PCDH15: variants seen among roughly 807,000 people sequenced by gnomAD.
PCDH15 encodes protocadherin-15.
Under a neutral mutation model 178.5 loss-of-function variants are expected in PCDH15, and 129 were observed. The observed-to-expected ratio is 0.72, with a 90% CI of 0.63 to 0.84. The LOEUF is 0.84. PCDH15 is among the 40% of genes least tolerant of loss of function. The pLI is 0.00. For missense variants in PCDH15, 2,230 were observed against 2,099.9 expected (o/e 1.06, Z -1.21); for synonymous variants, 800 against 732.0 (o/e 1.09, Z -1.50).
chr10:55,545,537 A>G (rs1038923972), intron 2 of PCDH15, among the ~76,000 whole-genome samples: 3 of 151,590 alleles, frequency 2.0e-5, no homozygotes, highest in African/African-American at 7.3e-5. Context: ...CAGCCTCCCT[A>G]GTAGCTGGGA....
At chr10:54,539,080 A>G (rs1589978670) in intron 2 of PCDH15, among the ~76,000 whole-genome samples, 1 of 152,102 alleles carries the variant, frequency 6.6e-6, no homozygotes, top group South Asian at 2.1e-4. Context: ...CCATTTGTTT[A>G]TGTTATCTAT....
chr10:55,561,477 T>C (rs892229316), intron 2 of PCDH15, among the ~76,000 whole-genome samples: 4 of 151,944 alleles, frequency 2.6e-5, no homozygotes, highest in African/African-American at 7.2e-5. Flanking sequence ...AAATTGTTTA[T>C]GAATGATAAT....
intron 25 of PCDH15, among the ~76,000 whole-genome samples, chr10:53,917,559 G>T (rs1368878565): frequency 1.3e-5 from 2 of 152,198 alleles, no homozygotes; most frequent in Non-Finnish European, 2.9e-5. Flanking sequence ...TGTAGTTATT[G>T]TCACATGGGC....
In PCDH15 at chr10:54,940,573, AG is replaced by A. The variant is rs1269629295; in HGVS notation, c.-79-43074del. 3.9e-5 allele frequency among the ~76,000 whole-genome samples: 6 copies of A among 152,208 alleles called. No homozygotes were observed. The East Asian group carries it at 7.7e-4, about 20-fold the overall frequency. On this transcript the variant is annotated intron_variant, in intron 2 of 5. Coordinates refer to the PCDH15 transcript ENST00000458638. ...TCTGGTTGGTTTATGCTGTTGTTCA[AG>A]TCTTCTATGTCTTTATTGATCTTTC... is the stretch of plus-strand genomic sequence containing the variant.
intron 2 of PCDH15, among the ~76,000 whole-genome samples, chr10:55,409,897 G>A (rs183568482): frequency 4.3e-4 from 65 of 152,168 alleles, no homozygotes; most frequent in African/African-American, 1.6e-3. Flanking sequence ...GTGCTTACAG[G>A]CCAATCATGA....
intron 18 of PCDH15, among the ~76,000 whole-genome samples, chr10:54,047,612 C>G (rs2093682118): frequency 6.6e-6 from 1 of 151,932 alleles, no homozygotes; most frequent in Non-Finnish European, 1.5e-5. Flanking sequence ...TTGTTCCCAA[C>G]TTTATGTCCA....
At chr10:55,278,216 CT>C (rs1564961078) in intron 1 of PCDH15, among the ~76,000 whole-genome samples, 1 of 151,592 alleles carries the variant, frequency 6.6e-6, no homozygotes, top group East Asian at 1.9e-4. Context: ...CATTTTTTGT[CT>C]TTTTTTGAAA....
chr10:55,058,886 A>C (rs1841367190), intron 2 of PCDH15, among the ~76,000 whole-genome samples: 1 of 152,174 alleles, frequency 6.6e-6, no homozygotes. Context: ...TACAAGATTA[A>C]ATTTTGATAA....
Position 54,185,311 on chromosome 10 carries a change from T to C in PCDH15, c.1306-43A>G, listed in dbSNP as rs752896281. ...ATCGTTTCAAACGTTGAATAAATAATGTAGCTATTAGTTCATTACCTAGAA... is the reference window on the plus strand; with the variant it reads ...ATCGTTTCAAACGTTGAATAAATAACGTAGCTATTAGTTCATTACCTAGAA... On this transcript the variant is annotated intron_variant, in intron 11 of 37. Transcript: ENST00000644397. The C allele has an allele frequency of 3.7e-6, 6 of 1,609,130 alleles. No individual in the cohort carries two copies. The East Asian group carries it at 6.7e-5, about 18-fold the overall frequency.
chr10:54,914,372 T>G (rs1266141008), intron 2 of PCDH15, among the ~76,000 whole-genome samples: 4 of 152,152 alleles, frequency 2.6e-5, no homozygotes, highest in Non-Finnish European at 5.9e-5. Flanking sequence ...CCCTTCACCT[T>G]CTGCAATGAT....
At chr10:55,157,455 G>T (rs1367058531) in intron 2 of PCDH15, among the ~76,000 whole-genome samples, 1 of 148,284 alleles carries the variant, frequency 6.7e-6, no homozygotes, top group Non-Finnish European at 1.5e-5. Context: ...CCATTACTGG[G>T]TATATACCCA....
chr10:55,562,469 G>A (rs931480988), intron 2 of PCDH15, among the ~76,000 whole-genome samples: 4 of 151,770 alleles, frequency 2.6e-5, no homozygotes, highest in Non-Finnish European at 5.9e-5. Context: ...TAAATGTGAG[G>A]CATCATGTTC....
At chr10:55,589,534 C>A (rs868703923) in intron 2 of PCDH15, among the ~76,000 whole-genome samples, 289 of 151,574 alleles carry the variant, frequency 1.9e-3, no homozygotes, top group African/African-American at 6.3e-3. Flanking sequence ...GCAACCTACA[C>A]AATGGGAGAA....
At chr10:55,466,885 TATCTGCCAAG>T (rs1356114251) in intron 2 of PCDH15, among the ~76,000 whole-genome samples, 1 of 152,208 alleles carries the variant, frequency 6.6e-6, no homozygotes, top group Non-Finnish European at 1.5e-5. Context: ...CACCTATTTA[TATCTGCCAAG>T]AGAGAAAATA....
intron 3 of PCDH15, among the ~76,000 whole-genome samples, chr10:54,860,614 T>C (rs1953822283): frequency 6.6e-6 from 1 of 152,188 alleles, no homozygotes; most frequent in Admixed American, 6.6e-5. Flanking sequence ...GATGAACATA[T>C]GATTGCATAT....
chr10:54,062,053 T>C (rs916379129), intron 18 of PCDH15, among the ~76,000 whole-genome samples: 5 of 151,602 alleles, frequency 3.3e-5, no homozygotes, highest in Non-Finnish European at 5.9e-5. Context: ...GGCACAAACC[T>C]GTCTCTACTA....
chr10:54,591,734 T>C (rs994259652), intron 2 of PCDH15, among the ~76,000 whole-genome samples: 4 of 152,140 alleles, frequency 2.6e-5, no homozygotes, highest in African/African-American at 9.7e-5. Context: ...AAATGAAACT[T>C]AGAATTTTTC....
At position 54,122,213 on chromosome 10, in the gene PCDH15, A is replaced by G. The variant is rs1397368031; in HGVS notation, c.1917+10662T>C. Among the ~76,000 whole-genome samples, 3 of 152,116 alleles carry G rather than the reference A, an allele frequency of 2.0e-5. No individual in the cohort carries two copies. In the South Asian group the frequency reaches 6.2e-4, roughly 32 times the overall value. On this transcript the variant is annotated intron_variant, in intron 15 of 37. Transcript: ENST00000644397. ...CAAGGTTGTTTCATCATATTTCAAC[A>G]TATACAAATCAGTAAATGTGATCCG...
chr10:54,607,998 T>C (rs1365758923), intron 2 of PCDH15: 1 of 474,936 alleles, frequency 2.1e-6, no homozygotes, highest in African/African-American at 2.1e-5. Flanking sequence ...ATCATTTTGG[T>C]TATTGTGAGA....
Sources: gnomAD v4.1 joint callset for allele counts (sites outside exome capture counted in the v4.1 genomes callset) on GRCh38, gnomAD v4.1.1 for gene constraint, MANE v1.5 for transcripts, NCBI Gene and HGNC (gene_info 2026-07-23, HGNC 2026-07-21) for gene names.